Variants in HPSE2 observed in about 807,000 individuals in gnomAD.
HPSE2 encodes the protein inactive heparanase-2.
HPSE2 carries 38 observed loss-of-function variants against 60.5 expected under a neutral mutation model. That is an observed-to-expected ratio of 0.63 (90% CI 0.48 to 0.82). The LOEUF is 0.82. HPSE2 is among the 40% of genes least tolerant of loss of function. The pLI is 0.00. For synonymous variants in HPSE2, 295 were observed against 293.2 expected, an observed-to-expected ratio of 1.01 and a Z score of -0.06; for missense variants, 713 against 740.4, an observed-to-expected ratio of 0.96 and a Z score of 0.43.
At chr10:98,966,799 G>A (rs772385296) in intron 3 of HPSE2, among the ~76,000 whole-genome samples, 8 of 152,300 alleles carry the variant, frequency 5.3e-5, no homozygotes, top group Middle Eastern at 3.4e-3. Flanking sequence ...CACCCAACAC[G>A]TAGAAATGAT....
At chr10:98,510,008 T>C (rs995165244) in intron 9 of HPSE2, among the ~76,000 whole-genome samples, 8 of 151,984 alleles carry the variant, frequency 5.3e-5, no homozygotes, top group Non-Finnish European at 1.0e-4. Flanking sequence ...ACTCAGATAT[T>C]AGCTCAAGGG....
intron 3 of HPSE2, among the ~76,000 whole-genome samples, chr10:99,120,817 G>A (rs1245731476): frequency 6.6e-6 from 1 of 152,134 alleles, no homozygotes; most frequent in Non-Finnish European, 1.5e-5. Flanking sequence ...ACAGATGCTG[G>A]CAAGGATGCA....
intron 9 of HPSE2, among the ~76,000 whole-genome samples, chr10:98,545,262 C>G (rs1327219566): frequency 6.6e-6 from 1 of 151,944 alleles, no homozygotes; most frequent in Non-Finnish European, 1.5e-5. Flanking sequence ...TGAAACTATT[C>G]CAATCAATAG....
intron 6 of HPSE2, among the ~76,000 whole-genome samples, chr10:98,691,734 C>T (rs1948082207): frequency 6.6e-6 from 1 of 152,196 alleles, no homozygotes; most frequent in Admixed American, 6.5e-5. Flanking sequence ...ACAGACACAA[C>T]TTTAAGTCCA....
the HPSE2 span, among the ~76,000 whole-genome samples, chr10:99,271,043 A>C: frequency 6.6e-6 from 1 of 152,200 alleles, no homozygotes; most frequent in Non-Finnish European, 1.5e-5. Flanking sequence ...CGAATGGGGA[A>C]AAGCAGAAAG....
chr10:99,110,104 C>G (rs771462047), intron 3 of HPSE2, among the ~76,000 whole-genome samples: 3 of 152,124 alleles, frequency 2.0e-5, no homozygotes, highest in African/African-American at 7.2e-5. Context: ...GATATTAGTT[C>G]GTTGGTTTTT....
At chr10:98,656,912 C>G (rs1043018581) in intron 6 of HPSE2, among the ~76,000 whole-genome samples, 10 of 152,062 alleles carry the variant, frequency 6.6e-5, no homozygotes, top group African/African-American at 2.4e-4. Flanking sequence ...TAGGCACCCG[C>G]CACCACATCC....
chr10:99,163,659 A>G (rs1016198974), intron 2 of HPSE2, among the ~76,000 whole-genome samples: 1 of 152,196 alleles, frequency 6.6e-6, no homozygotes. Context: ...TTTTTCTACT[A>G]GAACTATTTT....
chr10:98,980,091 C>T (rs879930254), intron 3 of HPSE2, among the ~76,000 whole-genome samples: 9 of 152,210 alleles, frequency 5.9e-5, no homozygotes, highest in South Asian at 4.1e-4. Flanking sequence ...TGTTCTACAA[C>T]GCAGGACATA....
chr10:98,474,942 C>T (rs1179418623), intron 11 of HPSE2, among the ~76,000 whole-genome samples: 1 of 152,120 alleles, frequency 6.6e-6, no homozygotes, highest in Non-Finnish European at 1.5e-5. Flanking sequence ...TCCCCAACAA[C>T]CCCAAAACAC....
chr10:99,237,104 A>G (rs1849877899), upstream of HPSE2, among the ~76,000 whole-genome samples: 1 of 152,138 alleles, frequency 6.6e-6, no homozygotes. Flanking sequence ...AACAGCTTGC[A>G]AATTGAACTC....
In HPSE2 at chr10:98,459,057, A is replaced by G. The variant is rs1940166848; in HGVS notation, c.*517T>C. ...GGGCTGACACACCCATTACTCCCCT[A>G]TGGAAAGAGATGTGTCAAAAAACTC... is the stretch of plus-strand genomic sequence containing the variant. On this transcript the variant is annotated 3_prime_UTR_variant, in exon 12 of 12. Coordinates refer to ENST00000370552, the MANE Select transcript of HPSE2 (RefSeq NM_021828.5). 1 of 204,082 alleles carries G rather than the reference A, an allele frequency of 4.9e-6. No individual in the cohort carries two copies. The highest frequency in any genetic ancestry group is 1.0e-5 in the Non-Finnish European group (1 of 99,872). 12.6% of individuals were successfully genotyped at this position (204,082 alleles called of 1,614,324 possible).
chr10:98,662,148 T>A (rs1322676884), intron 6 of HPSE2, among the ~76,000 whole-genome samples: 11 of 152,114 alleles, frequency 7.2e-5, no homozygotes, highest in African/African-American at 2.7e-4. Flanking sequence ...CCGCCTCGGC[T>A]TCCCAGAGTG....
the HPSE2 span, among the ~76,000 whole-genome samples, chr10:99,272,749 A>G: frequency 6.6e-6 from 1 of 152,182 alleles, no homozygotes; most frequent in Non-Finnish European, 1.5e-5. Flanking sequence ...AAGTGTGGGC[A>G]TAATAAAAAA....
At chr10:98,664,854 C>T (rs1049433672) in intron 6 of HPSE2, among the ~76,000 whole-genome samples, 13 of 152,178 alleles carry the variant, frequency 8.5e-5, no homozygotes, top group Non-Finnish European at 1.3e-4. Flanking sequence ...GAGAAAGAAT[C>T]AGCACAAGAA....
At chr10:99,293,838 A>G in the HPSE2 span, among the ~76,000 whole-genome samples, 1 of 152,204 alleles carries the variant, frequency 6.6e-6, no homozygotes, top group African/African-American at 2.4e-5. Context: ...TGTGCAGGGC[A>G]TGGCCTACAG....
intron 9 of HPSE2, among the ~76,000 whole-genome samples, chr10:98,516,158 A>T (rs1942594875): frequency 6.6e-6 from 1 of 152,210 alleles, no homozygotes; most frequent in Admixed American, 6.5e-5. Flanking sequence ...AGTACTTAAG[A>T]TGTGCTCGGC....
At chr10:99,052,004 T>C (rs922786287) in intron 3 of HPSE2, among the ~76,000 whole-genome samples, 2 of 149,358 alleles carry the variant, frequency 1.3e-5, no homozygotes, top group African/African-American at 4.9e-5. Flanking sequence ...TTCTCCAGGG[T>C]ATATCAAATA....
chr10:98,487,976 G>A (rs927901019), intron 10 of HPSE2, among the ~76,000 whole-genome samples: 2 of 152,278 alleles, frequency 1.3e-5, no homozygotes, highest in Admixed American at 1.3e-4. Context: ...AATCTAATAG[G>A]AACAAAAACA....
Sources: gnomAD v4.1 joint callset for allele counts (sites outside exome capture counted in the v4.1 genomes callset) on GRCh38, gnomAD v4.1.1 for gene constraint, MANE v1.5 for transcripts, NCBI Gene and HGNC (gene_info 2026-07-23, HGNC 2026-07-21) for gene names.